The following ADA variants were observed in gnomAD, a reference collection of about 807,000 sequenced individuals.
ADA encodes adenosine deaminase.
ADA carries 45 observed loss-of-function variants against 49.0 expected under a neutral mutation model. That is an observed-to-expected ratio of 0.92 (90% confidence interval 0.72 to 1.18). The LOEUF (loss-of-function observed/expected upper bound fraction) is 1.18. Ranked by LOEUF, ADA falls within the 50% of genes most tolerant of loss-of-function variation. ADA has a pLI of 0.00. For synonymous variants in ADA, 173 were observed against 184.2 expected, an observed-to-expected ratio of 0.94 and a Z score of 0.49; for missense variants, 445 against 472.5, an observed-to-expected ratio of 0.94 and a Z score of 0.54.
Position 44,624,340 on chromosome 20 carries a change from G to C in ADA, c.479-11C>G. 6.2e-7 allele frequency: 1 copy of C among 1,612,842 alleles called. No individual in the cohort carries two copies. Among genetic ancestry groups the C allele is most frequent in the Non-Finnish European group, 8.5e-7 (1 of 1,179,718 alleles). ...CCTTGGGGGACCAGTCTGTGGGCGA[G>C]ATGCCCACCCAGGCTCTGTCACCAG... On this transcript the variant is annotated splice_polypyrimidine_tract_variant and intron_variant, in intron 5 of 11. Coordinates refer to ENST00000372874, the MANE Select transcript of ADA (RefSeq NM_000022.4).
intron 1 of ADA, among the ~76,000 whole-genome samples, chr20:44,642,785 T>C (rs1568855213): frequency 6.6e-6 from 1 of 152,026 alleles, no homozygotes; most frequent in Admixed American, 6.5e-5. Context: ...TTGAATAACA[T>C]GCGGGAAGTA....
intron 4 of ADA, 72 bp from the exon 5 acceptor site, chr20:44,625,756 C>CA (rs2065376850): frequency 7.7e-7 from 1 of 1,299,286 alleles, no homozygotes; most frequent in African/African-American, 1.5e-5. Context: ...GGGACTGGGA[C>CA]AGAGGAGGAA....
chr20:44,636,306 G>A lies in ADA; in HGVS notation c.34-18C>T, dbSNP rs754341978. 2.5e-6 allele frequency: 4 copies of A among 1,582,986 alleles called. No homozygotes were observed. The highest frequency in any genetic ancestry group is 3.5e-6 in the Non-Finnish European group (4 of 1,157,996). ...AGTTCCACCTGCAAGGGGGCAGGGG[G>A]AAGAGAGAGAGAAAGGGAGAGAGAG... On this transcript the variant is annotated intron_variant, in intron 1 of 11. Transcript: ENST00000372874.
intron 1 of ADA, among the ~76,000 whole-genome samples, chr20:44,647,911 C>T (rs537031811): frequency 9.2e-5 from 14 of 151,738 alleles, no homozygotes; most frequent in African/African-American, 1.9e-4. Context: ...AGTGAGACTG[C>T]GGCACACGCC....
At chr20:44,628,916 G>A in intron 3 of ADA, 131 bp downstream of exon 3, 1 of 1,406,324 alleles carries the variant, frequency 7.1e-7, no homozygotes, top group Non-Finnish European at 1.0e-6. Flanking sequence ...CTCACTAAGT[G>A]TACACAATGG....
chr20:44,631,378 A>G (rs1257906130), intron 2 of ADA, among the ~76,000 whole-genome samples: 1 of 152,010 alleles, frequency 6.6e-6, no homozygotes, highest in Non-Finnish European at 1.5e-5. Context: ...TGCCTCAGGT[A>G]CCCCTGAGAC....
chr20:44,624,411 A>G, intron 5 of ADA, 82 bp from the exon 6 acceptor site: 1 of 1,590,224 alleles, frequency 6.3e-7, no homozygotes, highest in Non-Finnish European at 8.6e-7. Context: ...GTCCCACCCA[A>G]ACCCCCCATG....
rs759445496 is a variant in ADA at position 44,624,230 on chromosome 20, A to AG, written c.577dup (p.Leu193ProfsTer58). On this transcript the variant is annotated frameshift_variant, in exon 6 of 12. Coordinates refer to ENST00000372874, the MANE Select transcript of ADA (RefSeq NM_000022.4). LOFTEE classifies it high-confidence loss of function. ...GTAGGCCTGGACATGTCCAGGCAAG[A>AG]GGCTGCTTCCTGGGATGGTCTCATC... 16 of 1,613,566 alleles carry AG rather than the reference A, an allele frequency of 9.9e-6. No homozygotes were observed. The highest frequency in any genetic ancestry group is 1.4e-5 in the Non-Finnish European group (16 of 1,179,808).
At chr20:44,632,611 T>C (rs990713914) in intron 2 of ADA, among the ~76,000 whole-genome samples, 1 of 152,130 alleles carries the variant, frequency 6.6e-6, no homozygotes, top group African/African-American at 2.4e-5. Context: ...GAAAGAGCTG[T>C]TCCTAGGGCC....
In ADA at chr20:44,619,758, A is replaced by G; in HGVS notation, c.*76T>C. The G allele has an allele frequency of 6.4e-7, 1 of 1,573,024 alleles. No homozygotes were observed. Among genetic ancestry groups the G allele is most frequent in the Admixed American group, 1.7e-5 (1 of 59,938 alleles). ...TGAGATCATGGTCTTCTTGGAAGGAATAAATGTAAAAATGTTGCTCAGCCC... is the reference window on the plus strand; with the variant it reads ...TGAGATCATGGTCTTCTTGGAAGGAGTAAATGTAAAAATGTTGCTCAGCCC... On this transcript the variant is annotated 3_prime_UTR_variant, in exon 12 of 12. Transcript: ENST00000372874.
At chr20:44,650,031 C>A (rs1293048751) in intron 1 of ADA, among the ~76,000 whole-genome samples, 1 of 152,114 alleles carries the variant, frequency 6.6e-6, no homozygotes, top group Non-Finnish European at 1.5e-5. Flanking sequence ...CACTGCACCC[C>A]GCCAATCAAA....
At chr20:44,629,273 C>T in intron 2 of ADA, 104 bp from the exon 3 acceptor site, 1 of 1,533,922 alleles carries the variant, frequency 6.5e-7, no homozygotes, top group Non-Finnish European at 8.9e-7. Context: ...CCTTGCAGGA[C>T]CACAGCAGGA....
At chr20:44,644,586 T>A (rs1439757783) in intron 1 of ADA, among the ~76,000 whole-genome samples, 1 of 152,212 alleles carries the variant, frequency 6.6e-6, no homozygotes, top group African/African-American at 2.4e-5. Context: ...CCTCCCTCCC[T>A]AGCCCTGCTT....
intron 2 of ADA, 81 bp from the exon 3 acceptor site, chr20:44,629,250 G>T: frequency 6.3e-7 from 1 of 1,598,322 alleles, no homozygotes; most frequent in South Asian, 1.1e-5. Flanking sequence ...AGCAGACTCA[G>T]GAGCGCCAGC....
At chr20:44,636,947 A>C (rs1286288488) in intron 1 of ADA, among the ~76,000 whole-genome samples, 8 of 152,136 alleles carry the variant, frequency 5.3e-5, no homozygotes. Flanking sequence ...CTGGGACTAT[A>C]GGCAGGTGCC....
chr20:44,627,885 G>C (rs2065397452), intron 3 of ADA, among the ~76,000 whole-genome samples: 1 of 152,210 alleles, frequency 6.6e-6, no homozygotes, highest in Non-Finnish European at 1.5e-5. Flanking sequence ...CTAGGTCAAG[G>C]AGTTATTGCG....
intron 3 of ADA, among the ~76,000 whole-genome samples, chr20:44,627,001 G>C (rs1195683934): frequency 6.6e-6 from 1 of 151,814 alleles, no homozygotes; most frequent in African/African-American, 2.4e-5. Flanking sequence ...CACAAGGCCT[G>C]CATCCTCCAG....
In ADA at chr20:44,621,124, T is replaced by C. The variant is rs1350879122; in HGVS notation, c.869A>G (p.Tyr290Cys). 1 of 1,613,844 alleles carries C rather than the reference T, an allele frequency of 6.2e-7. No individual in the cohort carries two copies. Among genetic ancestry groups the C allele is most frequent in the Admixed American group, 1.7e-5 (1 of 59,984 alleles). Residue 290 changes from tyrosine to cysteine, a missense_variant, in exon 10 of 12, where the codon TAC (tyrosine) becomes TGC (cysteine). Physicochemically the swap from Tyr to Cys is radical, Grantham distance 194. Coordinates refer to ENST00000372874, the MANE Select transcript of ADA (RefSeq NM_000022.4). ...GAGCGGGTCATCTGTGTTGAGCGAG[T>C]AGTTAGCCTGGTCATTTTTGAGCCT... is the stretch of plus-strand genomic sequence containing the variant. ...VIRLKNDQAN[Y>C]SLNTDDPLIF... is the part of the protein sequence containing the mutation.
chr20:44,621,121 G>A lies in ADA; in HGVS notation c.872C>T (p.Ser291Leu), dbSNP rs121908721. Residue 291 changes from serine (S) to leucine (L), a missense_variant, in exon 10 of 12, where the codon TCG becomes TTG. Ser to Leu is a moderately radical substitution (Grantham distance 145). Transcript: ENST00000372874. ...IRLKNDQANY[S>L]LNTDDPLIFK... ...GATGAGCGGGTCATCTGTGTTGAGC[G>A]AGTAGTTAGCCTGGTCATTTTTGAG... The A allele has an allele frequency of 1.6e-5, 26 of 1,613,972 alleles. No individual in the cohort carries two copies. The highest frequency in any genetic ancestry group is 8.0e-5 in the African/African-American group (6 of 74,864).
Sources: allele counts gnomAD v4.1 joint callset (sites outside exome capture counted in the v4.1 genomes callset), GRCh38; gene constraint gnomAD v4.1.1; transcripts MANE v1.5; gene names NCBI Gene and HGNC (gene_info 2026-07-23, HGNC 2026-07-21).